The following RCBTB1 variants were observed in gnomAD, a reference collection of about 807,000 sequenced individuals.
RCBTB1 encodes RCC1 and BTB domain containing protein 1.
A neutral mutation model predicts 62.4 loss-of-function variants in RCBTB1; 46 were observed. That is an observed-to-expected ratio of 0.74 (90% CI 0.58 to 0.94). The LOEUF (loss-of-function observed/expected upper bound fraction) is 0.94, where lower values mean the gene tolerates loss of function less well. Ranked by LOEUF, RCBTB1 falls within the 40% of genes least tolerant of loss-of-function variation. The pLI is 0.00. For missense variants in RCBTB1, 565 were observed against 654.9 expected (o/e 0.86, Z 1.50); for synonymous variants, 222 against 245.8 (o/e 0.90, Z 0.91).
chr13:49,580,574 C>G lies in RCBTB1; in HGVS notation c.-111G>C, dbSNP rs900613185. 9 of 152,146 alleles carry G rather than the reference C, an allele frequency of 5.9e-5. No homozygotes were observed. The highest frequency in any genetic ancestry group is 2.2e-4 in the African/African-American group (9 of 41,420). 9.4% of individuals were successfully genotyped at this position (152,146 alleles called of 1,614,324 possible). ...CTGTATTCCAGTCTGGGCAAGAGAG[C>G]AAGATCCTGTCTGAAAAAGAAAAAA... On this transcript the variant is annotated 5_prime_UTR_variant, in exon 2 of 13. Coordinates refer to ENST00000378302, the MANE Select transcript of RCBTB1 (RefSeq NM_018191.4).
At chr13:49,541,101 T>C (rs932277485) in intron 11 of RCBTB1, 95 bp from the exon 12 acceptor site, 2 of 1,081,100 alleles carry the variant, frequency 1.8e-6, no homozygotes, top group Non-Finnish European at 2.6e-6. Flanking sequence ...ACAGGTAAAT[T>C]AGAAGTTTCT....
At chr13:49,555,429 T>G (rs1961763116) in intron 6 of RCBTB1, 86 bp downstream of exon 6, 4 of 1,136,594 alleles carry the variant, frequency 3.5e-6, no homozygotes, top group Admixed American at 3.7e-5. Flanking sequence ...TCTTCCTTCT[T>G]CCATCTGATA....
At chr13:49,564,966 T>G (rs115937403) in intron 4 of RCBTB1, among the ~76,000 whole-genome samples, 2 of 151,518 alleles carry the variant, frequency 1.3e-5, no homozygotes, top group Non-Finnish European at 2.9e-5. Flanking sequence ...CAAAGACCAG[T>G]GAGCTATTAA....
intron 4 of RCBTB1, among the ~76,000 whole-genome samples, chr13:49,562,774 G>A (rs9568262): frequency 0.29 from 30,311 of 105,912 alleles, 4,834 homozygotes; most frequent in African/African-American, 0.49. Context: ...CACCATCCCC[G>A]GCTTTTTTTT....
Position 49,549,563 on chromosome 13 carries a change from G to T in RCBTB1, c.940C>A (p.Arg314=), listed in dbSNP as rs774421256. The T allele has an allele frequency of 8.7e-6, 14 of 1,614,100 alleles. No individual in the cohort carries two copies. The highest frequency in any genetic ancestry group is 1.2e-5 in the Non-Finnish European group (14 of 1,179,988). ...TGCGGGAGGATCACGGACTGACCCCGGCACTGGCCCCACATGTACACGTGC... is the reference window on the plus strand; with the variant it reads ...TGCGGGAGGATCACGGACTGACCCCTGCACTGGCCCCACATGTACACGTGC... ...GGHVYMWGQC[R]GQSVILPHLT... Residue 314 remains arginine, a synonymous_variant, in exon 9 of 13, where the codon CGG becomes AGG. Coordinates refer to ENST00000378302, the MANE Select transcript of RCBTB1 (RefSeq NM_018191.4).
chr13:49,569,738 AG>A (rs747350280), intron 2 of RCBTB1, among the ~76,000 whole-genome samples: 7 of 151,530 alleles, frequency 4.6e-5, no homozygotes, highest in Non-Finnish European at 1.0e-4. Flanking sequence ...AAAGAAAGAA[AG>A]AAAGAAAAAG....
intron 9 of RCBTB1, chr13:49,547,149 T>C (rs1308676843): frequency 7.9e-6 from 10 of 1,273,236 alleles, no homozygotes; most frequent in South Asian, 1.2e-5. Context: ...AGTGAACCAA[T>C]TATTTTCCAA....
At chr13:49,559,835 T>A in intron 5 of RCBTB1, 83 bp downstream of exon 5, 1 of 1,304,078 alleles carries the variant, frequency 7.7e-7, no homozygotes, top group Non-Finnish European at 1.1e-6. Flanking sequence ...CACTTAAAAC[T>A]GGTGAAGCTG....
At chr13:49,577,025 G>A (rs981652927) in intron 2 of RCBTB1, among the ~76,000 whole-genome samples, 12 of 152,124 alleles carry the variant, frequency 7.9e-5, no homozygotes, top group Admixed American at 2.6e-4. Flanking sequence ...CTTATCCTAC[G>A]TCCATTAGTC....
At chr13:49,567,779 T>C (rs1963125950) in intron 2 of RCBTB1, among the ~76,000 whole-genome samples, 1 of 152,196 alleles carries the variant, frequency 6.6e-6, no homozygotes, top group African/African-American at 2.4e-5. Context: ...AAGGATCAGC[T>C]TCAGCCCCAG....
chr13:49,571,950 G>A (rs947777448), intron 2 of RCBTB1, among the ~76,000 whole-genome samples: 26 of 152,168 alleles, frequency 1.7e-4, no homozygotes, highest in African/African-American at 6.0e-4. Context: ...ACTAAAGCAG[G>A]TGCAATCTAA....
In RCBTB1 at chr13:49,534,059, C is replaced by A. The variant is rs531514105; in HGVS notation, c.*63G>T. 3 of 1,545,532 alleles carry A rather than the reference C, an allele frequency of 1.9e-6. No individual in the cohort carries two copies. The Admixed American group carries it at 6.0e-5, about 31-fold the overall frequency. On this transcript the variant is annotated 3_prime_UTR_variant, in exon 13 of 13. Transcript: ENST00000378302. ...GCAGAATCACATCACCCGTAGAGCA[C>A]AAACTGGACACATCCTCAACAGTGC...
chr13:49,556,289 C>T (rs1196499487), intron 5 of RCBTB1, among the ~76,000 whole-genome samples: 3 of 151,674 alleles, frequency 2.0e-5, no homozygotes, highest in East Asian at 1.9e-4. Flanking sequence ...CCCCGCCTCC[C>T]GGGTTCATGT....
intron 7 of RCBTB1, 102 bp downstream of exon 7, chr13:49,552,076 T>C (rs890315288): frequency 5.3e-6 from 4 of 759,308 alleles, no homozygotes; most frequent in South Asian, 3.0e-5. Flanking sequence ...GCACAGAGTA[T>C]TGCCAGAAAA....
intron 2 of RCBTB1, among the ~76,000 whole-genome samples, chr13:49,578,036 A>G (rs1963888535): frequency 6.6e-6 from 1 of 152,176 alleles, no homozygotes; most frequent in African/African-American, 2.4e-5. Flanking sequence ...GATAAAATCT[A>G]AAGGGCCTTG....
intron 2 of RCBTB1, among the ~76,000 whole-genome samples, chr13:49,576,118 C>T (rs760005300): frequency 1.6e-5 from 2 of 122,432 alleles, no homozygotes; most frequent in African/African-American, 3.1e-5. Flanking sequence ...ACCTGGGAGG[C>T]GGAGCTTGCA....
rs528781793 is a variant in RCBTB1 at position 49,532,020 on chromosome 13, T to C, written c.*2102A>G. The C allele has an allele frequency of 6.5e-6, 1 of 152,778 alleles. No homozygotes were observed. Among genetic ancestry groups the C allele is most frequent in the African/African-American group, 2.4e-5 (1 of 41,598 alleles). 9.5% of individuals were successfully genotyped at this position (152,778 alleles called of 1,614,324 possible). Reference sequence around the variant, plus strand: ...TAAATACAGCTTACATACTAGAGTATCAAACATTGTTCCAGTAAGAAGTTC... The same window carrying C: ...TAAATACAGCTTACATACTAGAGTACCAAACATTGTTCCAGTAAGAAGTTC... On this transcript the variant is annotated 3_prime_UTR_variant, in exon 13 of 13. Transcript: ENST00000378302.
At chr13:49,559,391 T>C (rs993414396) in intron 5 of RCBTB1, among the ~76,000 whole-genome samples, 1 of 152,160 alleles carries the variant, frequency 6.6e-6, no homozygotes, top group Admixed American at 6.5e-5. Context: ...GCACGGTGGC[T>C]CACGCCTGTA....
At chr13:49,553,601 A>T (rs1331486813) in intron 6 of RCBTB1, among the ~76,000 whole-genome samples, 1 of 152,242 alleles carries the variant, frequency 6.6e-6, no homozygotes, top group Non-Finnish European at 1.5e-5. Context: ...AGTACTGACC[A>T]GGAACAAATA....
Sources: allele counts gnomAD v4.1 joint callset (sites outside exome capture counted in the v4.1 genomes callset), GRCh38; gene constraint gnomAD v4.1.1; transcripts MANE v1.5; gene names NCBI Gene and HGNC (gene_info 2026-07-23, HGNC 2026-07-21).